The following TPRG1 variants were observed in gnomAD, a reference collection of about 807,000 sequenced individuals.
TPRG1 encodes the protein tumor protein p63 regulated 1, also known as tumor protein p63-regulated gene 1 protein.
Under a neutral mutation model 29.3 loss-of-function variants are expected in TPRG1, and 29 were observed. The ratio of observed to expected loss-of-function variants is 0.99; its 90% CI spans 0.74 to 1.35. The LOEUF (loss-of-function observed/expected upper bound fraction) is 1.35, where lower values mean the gene tolerates loss of function less well. Ranked by LOEUF, TPRG1 falls within the 40% of genes most tolerant of loss-of-function variation. The pLI is 0.00. For synonymous variants in TPRG1, 130 were observed against 116.8 expected, an observed-to-expected ratio of 1.11 and a Z score of -0.73; for missense variants, 327 against 335.0, an observed-to-expected ratio of 0.98 and a Z score of 0.19.
At chr3:189,253,562 C>T (rs1034274949) in intron 4 of TPRG1, among the ~76,000 whole-genome samples, 6 of 152,176 alleles carry the variant, frequency 3.9e-5, no homozygotes, top group African/African-American at 1.4e-4. Context: ...AGTAAACATA[C>T]GTGTGCATGT....
At chr3:189,083,308 G>A (rs1717725719) in intron 4 of TPRG1, among the ~76,000 whole-genome samples, 1 of 152,176 alleles carries the variant, frequency 6.6e-6, no homozygotes, top group African/African-American at 2.4e-5. Flanking sequence ...GATGGGTGGA[G>A]CAGCTGTGGT....
intron 4 of TPRG1, among the ~76,000 whole-genome samples, chr3:189,287,400 C>CTT (rs79217716): frequency 0.014 from 1,975 of 140,684 alleles, 46 homozygotes; most frequent in African/African-American, 0.047. Context: ...TTCTTTCTTT[C>CTT]TTTTTTTTTT....
chr3:189,078,552 A>G (rs920973699), intron 4 of TPRG1, among the ~76,000 whole-genome samples: 6 of 152,216 alleles, frequency 3.9e-5, no homozygotes, highest in African/African-American at 7.2e-5. Flanking sequence ...GGAATTGCCA[A>G]TGAAATTTCT....
intron 4 of TPRG1, among the ~76,000 whole-genome samples, chr3:189,065,529 C>T (rs1716380083): frequency 6.6e-6 from 1 of 151,766 alleles, no homozygotes; most frequent in South Asian, 2.1e-4. Context: ...AAAAATCATT[C>T]ATGTAATATA....
intron 4 of TPRG1, among the ~76,000 whole-genome samples, chr3:189,040,712 G>T (rs1714579876): frequency 6.6e-6 from 1 of 152,030 alleles, no homozygotes; most frequent in Admixed American, 6.6e-5. Context: ...GTCCCACAGT[G>T]GTATGATCCC....
At chr3:189,315,280 G>C (rs774140064) in intron 5 of TPRG1, among the ~76,000 whole-genome samples, 2 of 49,518 alleles carry the variant, frequency 4.0e-5, no homozygotes, top group East Asian at 1.7e-3. Flanking sequence ...TGAAAGAATT[G>C]TGTGTGTGTG....
chr3:189,021,127 C>G (rs1458250041), intron 3 of TPRG1, among the ~76,000 whole-genome samples: 1 of 145,862 alleles, frequency 6.9e-6, no homozygotes, highest in Non-Finnish European at 1.5e-5. Context: ...ATGTGTGTCT[C>G]TGCACATGAG....
rs192785928 is a variant in TPRG1, at chr3:189,252,732, C to T, written c.479+13823C>T. 9.2e-5 allele frequency among the ~76,000 whole-genome samples: 14 copies of T among 152,238 alleles called. No homozygotes were observed. In the East Asian group the frequency reaches 2.7e-3, roughly 29 times the overall value. On this transcript the variant is annotated intron_variant, in intron 4 of 5. Transcript: ENST00000345063. ...GTCAATAATATAAAACCTTGGGAGA[C>T]CTAACTCATAGGGTCATTGTAGATT... is the stretch of plus-strand genomic sequence containing the variant.
At chr3:189,264,890 T>A (rs1713786907) in intron 4 of TPRG1, among the ~76,000 whole-genome samples, 3 of 152,188 alleles carry the variant, frequency 2.0e-5, no homozygotes, top group African/African-American at 7.2e-5. Context: ...CTGCAATTCA[T>A]AACATTCAGC....
At chr3:189,077,061 G>A (rs1466204792) in intron 4 of TPRG1, among the ~76,000 whole-genome samples, 1 of 152,014 alleles carries the variant, frequency 6.6e-6, no homozygotes, top group African/African-American at 2.4e-5. Context: ...TGGAGCAAGT[G>A]GAACTTTCCT....
intron 5 of TPRG1, among the ~76,000 whole-genome samples, chr3:189,158,927 T>G (rs1289562981): frequency 6.6e-6 from 1 of 151,532 alleles, no homozygotes; most frequent in East Asian, 1.9e-4. Flanking sequence ...GTTTTTTTTT[T>G]GTTTTTTTTT....
At chr3:189,044,306 G>C (rs6798924) in intron 4 of TPRG1, among the ~76,000 whole-genome samples, 20,348 of 152,130 alleles carry the variant, frequency 0.13, 2,701 homozygotes, top group African/African-American at 0.34. Context: ...TGTAATCCCA[G>C]GATTTTGGGA....
chr3:189,220,597 C>G (rs1736786033), intron 3 of TPRG1, among the ~76,000 whole-genome samples: 1 of 152,062 alleles, frequency 6.6e-6, no homozygotes, highest in Non-Finnish European at 1.5e-5. Context: ...CACCTTCTAC[C>G]TTCAGGTAGG....
At chr3:189,024,166 A>T (rs1713529613) in intron 4 of TPRG1, among the ~76,000 whole-genome samples, 1 of 152,186 alleles carries the variant, frequency 6.6e-6, no homozygotes, top group African/African-American at 2.4e-5. Context: ...GAGAAATTAG[A>T]ACTCTGTAGC....
intron 3 of TPRG1, among the ~76,000 whole-genome samples, chr3:189,229,371 T>G (rs1738285060): frequency 6.6e-6 from 1 of 152,062 alleles, no homozygotes; most frequent in Non-Finnish European, 1.5e-5. Context: ...TTTTCTGTGG[T>G]GGAAGTTCAG....
intron 3 of TPRG1, among the ~76,000 whole-genome samples, chr3:189,014,849 T>A (rs1712836962): frequency 6.6e-6 from 1 of 152,174 alleles, no homozygotes; most frequent in South Asian, 2.1e-4. Flanking sequence ...CTTTTCTTCA[T>A]AAATTACTCA....
intron 3 of TPRG1, among the ~76,000 whole-genome samples, chr3:189,140,220 G>GA (rs1398424246): frequency 6.6e-6 from 1 of 152,172 alleles, no homozygotes; most frequent in East Asian, 1.9e-4. Context: ...TTAAGGCCCA[G>GA]AAAATTAGAG....
intron 4 of TPRG1, among the ~76,000 whole-genome samples, chr3:189,268,470 G>T (rs1286929389): frequency 1.3e-5 from 2 of 152,168 alleles, no homozygotes; most frequent in African/African-American, 4.8e-5. Context: ...GTTGCCAGGA[G>T]GTTATATTTA....
intron 3 of TPRG1, among the ~76,000 whole-genome samples, chr3:189,008,495 G>A (rs974683257): frequency 6.6e-6 from 1 of 152,134 alleles, no homozygotes; most frequent in Admixed American, 6.6e-5. Context: ...AATAACCTTG[G>A]CCTGGGTTTC....
Sources: gnomAD v4.1 joint callset for allele counts (sites outside exome capture counted in the v4.1 genomes callset) on GRCh38, gnomAD v4.1.1 for gene constraint, MANE v1.5 for transcripts, NCBI Gene and HGNC (gene_info 2026-07-23, HGNC 2026-07-21) for gene names.